XPR1: variants seen among roughly 807,000 people sequenced by gnomAD.
XPR1 encodes xenotropic and polytropic retrovirus receptor 1, also known as solute carrier family 53 member 1.
XPR1 carries 28 observed loss-of-function variants against 87.5 expected under a neutral mutation model. The ratio of observed to expected loss-of-function variants is 0.32; its 90% CI spans 0.24 to 0.44. The LOEUF (loss-of-function observed/expected upper bound fraction) is 0.44. Among genes scored for constraint, XPR1 ranks in the 20% least tolerant of loss-of-function variants. XPR1 has a pLI of 1.00. For missense variants in XPR1, 559 were observed against 862.3 expected (o/e 0.65, Z 4.41); for synonymous variants, 300 against 306.1 (o/e 0.98, Z 0.21).
intron 1 of XPR1, among the ~76,000 whole-genome samples, chr1:180,643,205 C>A (rs1655011578): frequency 1.3e-5 from 2 of 152,014 alleles, no homozygotes; most frequent in South Asian, 2.1e-4. Flanking sequence ...AGTGCAAGAC[C>A]AAAGACAGGA....
At chr1:180,854,220 C>G (rs1234980437) in intron 11 of XPR1, among the ~76,000 whole-genome samples, 1 of 152,196 alleles carries the variant, frequency 6.6e-6, no homozygotes. Flanking sequence ...GCTTTATTTC[C>G]TGTAAAGGAT....
chr1:180,759,836 C>T (rs1430108859), intron 2 of XPR1, among the ~76,000 whole-genome samples: 1 of 152,194 alleles, frequency 6.6e-6, no homozygotes. Context: ...GACCAATATC[C>T]TTCATGAACA....
At chr1:180,785,192 C>A (rs1333692908) in intron 2 of XPR1, among the ~76,000 whole-genome samples, 1 of 151,908 alleles carries the variant, frequency 6.6e-6, no homozygotes, top group Non-Finnish European at 1.5e-5. Flanking sequence ...CTCTGTCACC[C>A]AGGCTGGAGT....
intron 1 of XPR1, among the ~76,000 whole-genome samples, chr1:180,659,365 TTCCGTCCG>T (rs762562625): frequency 1.1e-5 from 1 of 93,852 alleles, no homozygotes; most frequent in Non-Finnish European, 2.2e-5. Flanking sequence ...CCTTCCGTCC[TTCCGTCCG>T]TCCTTCCGTC....
At chr1:180,844,858 C>T (rs1213881377) in intron 11 of XPR1, among the ~76,000 whole-genome samples, 1 of 152,192 alleles carries the variant, frequency 6.6e-6, no homozygotes, top group Admixed American at 6.5e-5. Context: ...TAAGCCTCTG[C>T]TTGCTTCATA....
intron 6 of XPR1, 24 bp from the exon 7 acceptor site, chr1:180,811,383 C>CA (rs1558019931): frequency 1.3e-5 from 21 of 1,597,466 alleles, no homozygotes; most frequent in Admixed American, 1.7e-5. Context: ...GTCCTGTACT[C>CA]AAATACTATT....
chr1:180,815,138 TTTTTTGTTTAA>T (rs1650360309), intron 7 of XPR1, among the ~76,000 whole-genome samples: 1 of 152,220 alleles, frequency 6.6e-6, no homozygotes, highest in African/African-American at 2.4e-5. Flanking sequence ...TGGGTGCAAT[TTTTTTGTTTAA>T]TTTTCAAGAT....
intron 2 of XPR1, among the ~76,000 whole-genome samples, chr1:180,781,658 G>GT (rs1467139850): frequency 1.4e-5 from 2 of 147,640 alleles, no homozygotes; most frequent in African/African-American, 5.0e-5. Context: ...TCACTTGTTT[G>GT]CTTTTTTTTA....
At chr1:180,632,405 T>C in intron 1 of XPR1, 135 bp downstream of exon 1, 1 of 1,169,814 alleles carries the variant, frequency 8.5e-7, no homozygotes, top group South Asian at 1.3e-5. Flanking sequence ...GGGGAGCCAC[T>C]GCGGCATCCC....
At chr1:180,748,414 T>C (rs1647369828) in intron 2 of XPR1, among the ~76,000 whole-genome samples, 1 of 82,312 alleles carries the variant, frequency 1.2e-5, no homozygotes, top group African/African-American at 6.1e-5. Flanking sequence ...TTTTTTTTTT[T>C]TTTTTTTTTT....
intron 2 of XPR1, among the ~76,000 whole-genome samples, chr1:180,696,297 T>C (rs932742812): frequency 1.3e-5 from 2 of 150,856 alleles, no homozygotes; most frequent in African/African-American, 4.9e-5. Context: ...GAAACCCTAC[T>C]GATTTTTTGT....
chr1:180,636,564 A>G (rs1484621028), intron 1 of XPR1, among the ~76,000 whole-genome samples: 3 of 152,238 alleles, frequency 2.0e-5, no homozygotes, highest in African/African-American at 7.2e-5. Flanking sequence ...GGCCCAGATC[A>G]TAAGAACCTA....
chr1:180,761,316 C>G (rs541678040), intron 2 of XPR1, among the ~76,000 whole-genome samples: 6,407 of 152,072 alleles, frequency 0.042, 475 homozygotes, highest in African/African-American at 0.14. Context: ...AAGAAACTAC[C>G]ATCAGAGTGA....
Position 180,853,626 on chromosome 1 carries a change from GACACACAC to G in XPR1, c.1502-10047_1502-10040del, listed in dbSNP as rs143320476. On this transcript the variant is annotated intron_variant, in intron 11 of 14. Transcript: ENST00000367590. ...TTGGGTATTTTGTTATTAGACTATAGACACACACACACACACACACACACACACACACA... is the reference window on the plus strand; with the variant it reads ...TTGGGTATTTTGTTATTAGACTATAGACACACACACACACACACACACACA... 5.9e-3 allele frequency among the ~76,000 whole-genome samples: 832 copies of G among 140,310 alleles called. 3 individuals carry two copies. Among genetic ancestry groups the G allele is most frequent in the Admixed American group, 0.013 (174 of 13,874 alleles). The allele number at this position is 140,310 out of a possible 152,430, so 92.0% of individuals were successfully genotyped here. A position where few individuals can be genotyped will look rare whatever the true frequency, so the allele number is the denominator to read the frequency against.
At chr1:180,710,511 G>C (rs1275146319) in intron 2 of XPR1, among the ~76,000 whole-genome samples, 5 of 152,188 alleles carry the variant, frequency 3.3e-5, no homozygotes, top group Non-Finnish European at 7.3e-5. Context: ...AGAGCACCGG[G>C]TTGGGGGTAA....
intron 2 of XPR1, among the ~76,000 whole-genome samples, chr1:180,766,771 C>G (rs1320412450): frequency 2.0e-5 from 3 of 152,140 alleles, no homozygotes; most frequent in Non-Finnish European, 4.4e-5. Flanking sequence ...GTATCCCTAA[C>G]TTAGCATCTA....
chr1:180,885,927 T>G lies in XPR1; in HGVS notation c.*1861T>G, dbSNP rs1802468. The G allele has an allele frequency of 6.6e-6, 1 of 152,338 alleles. No individual in the cohort carries two copies. Among genetic ancestry groups the G allele is most frequent in the East Asian group, 1.9e-4 (1 of 5,190 alleles). The allele number at this position is 152,338 out of a possible 1,614,324, so 9.4% of individuals were successfully genotyped here. ...TCTTTTTAAAGTAGTTTCTTCCATC[T>G]TTATTCTGACTAGCTTCCAAAATGT... On this transcript the variant is annotated 3_prime_UTR_variant, in exon 15 of 15. Transcript: ENST00000367590.
At chr1:180,685,633 G>A (rs1231920868) in intron 2 of XPR1, among the ~76,000 whole-genome samples, 5 of 152,070 alleles carry the variant, frequency 3.3e-5, no homozygotes, top group Non-Finnish European at 5.9e-5. Context: ...TTTTTGGTTG[G>A]TAAGCTATTG....
At chr1:180,733,846 G>A (rs1043467870) in intron 2 of XPR1, among the ~76,000 whole-genome samples, 1 of 152,086 alleles carries the variant, frequency 6.6e-6, no homozygotes, top group African/African-American at 2.4e-5. Flanking sequence ...TGTTTTTGAG[G>A]GAAGGTTGAA....
Sources: allele counts gnomAD v4.1 joint callset (sites outside exome capture counted in the v4.1 genomes callset), GRCh38; gene constraint gnomAD v4.1.1; transcripts MANE v1.5; gene names NCBI Gene and HGNC (gene_info 2026-07-23, HGNC 2026-07-21).